The following SLIT3 variants were observed in gnomAD, a reference collection of about 807,000 sequenced individuals.
SLIT3 encodes slit guidance ligand 3.
In SLIT3, 68 loss-of-function variants were observed where a neutral mutation model predicts 184.0. The ratio of observed to expected loss-of-function variants is 0.37; its 90% CI spans 0.30 to 0.45. SLIT3 has a LOEUF of 0.45. SLIT3 is among the 20% of genes least tolerant of loss of function. The probability of loss-of-function intolerance (pLI) is 1.00; values close to 1 mark genes in which losing one functional copy is unlikely to be tolerated. For synonymous variants in SLIT3, 831 were observed against 828.6 expected, an observed-to-expected ratio of 1.00 and a Z score of -0.05; for missense variants, 1,707 against 2,026.0, an observed-to-expected ratio of 0.84 and a Z score of 3.02.
rs182673104 is a variant in SLIT3, at chr5:168,969,382, T to A, written c.414-86046A>T. ...ACATGTTGTACTTTGAGCTGCCTAC[T>A]GCCCGGGAGTCAGCGTTTAACTGGA... On this transcript the variant is annotated intron_variant, in intron 4 of 35. Coordinates refer to ENST00000519560, the MANE Select transcript of SLIT3 (RefSeq NM_003062.4). Among the ~76,000 whole-genome samples, 16 of 152,344 alleles carry A rather than the reference T, an allele frequency of 1.1e-4. No individual in the cohort carries two copies. In the East Asian group the frequency reaches 3.1e-3, roughly 29 times the overall value.
At chr5:169,266,631 G>A (rs193301451) in intron 1 of SLIT3, among the ~76,000 whole-genome samples, 4 of 152,284 alleles carry the variant, frequency 2.6e-5, no homozygotes, top group Admixed American at 1.3e-4. Flanking sequence ...ACTGGACTGG[G>A]TGGGTGGGAG....
chr5:168,874,840 T>C (rs1003751515), intron 5 of SLIT3, among the ~76,000 whole-genome samples: 1 of 152,228 alleles, frequency 6.6e-6, no homozygotes, highest in Non-Finnish European at 1.5e-5. Context: ...CGAGCACTTA[T>C]GCCATTGGCC....
intron 4 of SLIT3, among the ~76,000 whole-genome samples, chr5:169,124,968 T>C (rs1761022083): frequency 6.6e-6 from 1 of 152,218 alleles, no homozygotes; most frequent in Admixed American, 6.5e-5. Context: ...GGTTGGAACT[T>C]CAGGCTAACT....
chr5:169,274,642 A>T (rs997462269), intron 1 of SLIT3, among the ~76,000 whole-genome samples: 3 of 152,206 alleles, frequency 2.0e-5, no homozygotes, highest in Admixed American at 6.5e-5. Flanking sequence ...AAAAGCAACA[A>T]TCTCTGGGCA....
chr5:168,693,278 G>C (rs747510956), intron 28 of SLIT3, among the ~76,000 whole-genome samples: 21 of 152,204 alleles, frequency 1.4e-4, no homozygotes, highest in Non-Finnish European at 2.1e-4. Flanking sequence ...AGGCTTCAGA[G>C]ACACAGACAA....
intron 4 of SLIT3, among the ~76,000 whole-genome samples, chr5:168,932,391 C>CA (rs778329018): frequency 7.6e-6 from 1 of 130,744 alleles, no homozygotes; most frequent in Non-Finnish European, 1.6e-5. Flanking sequence ...CACACACACA[C>CA]TACACACACC....
chr5:168,792,977 G>A (rs551779624), intron 10 of SLIT3, among the ~76,000 whole-genome samples: 14 of 152,356 alleles, frequency 9.2e-5, no homozygotes, highest in Non-Finnish European at 1.6e-4. Flanking sequence ...CAGCCTATGT[G>A]TGTGAGGTAT....
At chr5:169,200,540 G>A (rs1022119563) in intron 3 of SLIT3, among the ~76,000 whole-genome samples, 7 of 95,304 alleles carry the variant, frequency 7.3e-5, no homozygotes, top group East Asian at 9.0e-4. Flanking sequence ...GCCAGCAAGC[G>A]CCAGGGATGA....
Position 169,257,467 on chromosome 5 carries a change from A to T in SLIT3, c.198-6008T>A, listed in dbSNP as rs548924226. ...ACTCCTAAACCACTGAAATGTGGAA[A>T]CTATTTGTTATGGCAGTCTACGCTG... is the stretch of plus-strand genomic sequence containing the variant. On this transcript the variant is annotated intron_variant, in intron 1 of 35. Coordinates refer to ENST00000519560, the MANE Select transcript of SLIT3 (RefSeq NM_003062.4). Among the ~76,000 whole-genome samples the T allele has an allele frequency of 4.0e-5, 6 of 150,080 alleles. No homozygotes were observed. The South Asian group carries it at 1.1e-3, about 27-fold the overall frequency.
intron 4 of SLIT3, among the ~76,000 whole-genome samples, chr5:169,067,777 C>G (rs1758410806): frequency 6.6e-6 from 1 of 152,218 alleles, no homozygotes; most frequent in Non-Finnish European, 1.5e-5. Flanking sequence ...CACTTTCTGT[C>G]CCTTGTGCCT....
intron 3 of SLIT3, among the ~76,000 whole-genome samples, chr5:169,213,151 A>T (rs1034793509): frequency 1.3e-5 from 2 of 152,190 alleles, no homozygotes; most frequent in Non-Finnish European, 2.9e-5. Context: ...AATCACAAGC[A>T]TTCCTATACA....
At chr5:169,259,809 T>A (rs1280212483) in intron 1 of SLIT3, among the ~76,000 whole-genome samples, 1 of 152,186 alleles carries the variant, frequency 6.6e-6, no homozygotes, top group Admixed American at 6.5e-5. Flanking sequence ...AAATGAATTT[T>A]TAGAAAATGA....
chr5:168,704,670 C>A (rs1762325460), intron 26 of SLIT3, among the ~76,000 whole-genome samples: 1 of 152,168 alleles, frequency 6.6e-6, no homozygotes, highest in Non-Finnish European at 1.5e-5. Flanking sequence ...TCACAAAGGC[C>A]TGGCATTATA....
At chr5:168,933,659 G>A (rs1762066364) in intron 4 of SLIT3, among the ~76,000 whole-genome samples, 1 of 152,208 alleles carries the variant, frequency 6.6e-6, no homozygotes. Context: ...TGGTTAGTAA[G>A]TGCTGGAGCC....
intron 16 of SLIT3, among the ~76,000 whole-genome samples, chr5:168,757,303 A>G (rs761894778): frequency 3.3e-5 from 5 of 152,238 alleles, no homozygotes; most frequent in Non-Finnish European, 7.3e-5. Flanking sequence ...AGCGCAGGGT[A>G]AAGTGTTTAA....
At chr5:169,181,166 T>A (rs1252314102) in intron 4 of SLIT3, among the ~76,000 whole-genome samples, 1 of 152,216 alleles carries the variant, frequency 6.6e-6, no homozygotes, top group Non-Finnish European at 1.5e-5. Context: ...GCCCAATAAT[T>A]TGAGCTAATT....
chr5:168,856,815 G>A (rs1443164153), intron 5 of SLIT3, among the ~76,000 whole-genome samples: 6 of 151,172 alleles, frequency 4.0e-5, no homozygotes, highest in Non-Finnish European at 7.4e-5. Flanking sequence ...GTGCGCGCGC[G>A]CGCACGCCTT....
intron 4 of SLIT3, among the ~76,000 whole-genome samples, chr5:169,108,617 C>T (rs373648922): frequency 1.5e-3 from 226 of 152,148 alleles, no homozygotes; most frequent in African/African-American, 5.0e-3. Context: ...ATGGTTGAAG[C>T]CATGGCTTGG....
chr5:168,881,819 G>A (rs1759964890), intron 5 of SLIT3, among the ~76,000 whole-genome samples: 1 of 152,154 alleles, frequency 6.6e-6, no homozygotes, highest in South Asian at 2.1e-4. Context: ...AACTCAGGAG[G>A]CTGTTTCTTG....
Sources: gnomAD v4.1 joint callset for allele counts (sites outside exome capture counted in the v4.1 genomes callset) on GRCh38, gnomAD v4.1.1 for gene constraint, MANE v1.5 for transcripts, NCBI Gene and HGNC (gene_info 2026-07-23, HGNC 2026-07-21) for gene names.